DTX3L: variants seen among roughly 807,000 people sequenced by gnomAD.
The protein encoded by DTX3L is E3 ubiquitin-protein ligase DTX3L.
A neutral mutation model predicts 60.9 loss-of-function variants in DTX3L; 34 were observed. The observed-to-expected ratio is 0.56, with a 90% confidence interval of 0.42 to 0.74. The LOEUF (loss-of-function observed/expected upper bound fraction) is 0.74, where lower values mean the gene tolerates loss of function less well. DTX3L is among the 30% of genes least tolerant of loss of function. DTX3L has a pLI of 0.00. For synonymous variants in DTX3L, 290 were observed against 316.6 expected, an observed-to-expected ratio of 0.92 and a Z score of 0.89; for missense variants, 810 against 874.0, an observed-to-expected ratio of 0.93 and a Z score of 0.92.
rs779786439 is a variant in DTX3L at position 122,571,738 on chromosome 3, A to G, written c.2214A>G (p.Gly738=). 6.2e-7 allele frequency: 1 copy of G among 1,612,820 alleles called. No homozygotes were observed. Among genetic ancestry groups the G allele is most frequent in the Non-Finnish European group, 8.5e-7 (1 of 1,179,240 alleles). Reference sequence around the variant, plus strand: ...TCAAAGAGGAGCTGAAAGCCAAAGGAATTGAGTAAGACAACTGCTGGAAGA... The same window carrying G: ...TCAAAGAGGAGCTGAAAGCCAAAGGGATTGAGTAAGACAACTGCTGGAAGA... The part of the protein sequence containing the change: ...KRVKEELKAK[G]IE The change falls in exon 5 of 5, where the codon GGA becomes GGG. Residue 738 remains glycine, a synonymous_variant. Coordinates refer to ENST00000296161, the MANE Select transcript of DTX3L (RefSeq NM_138287.3).
At position 122,568,929 on chromosome 3, in the gene DTX3L, C is replaced by G. The variant is rs1307849493; in HGVS notation, c.840C>G (p.Thr280=). Residue 280 remains threonine (T), a synonymous_variant, in exon 3 of 5, where the codon ACC becomes ACG. Coordinates refer to ENST00000296161, the MANE Select transcript of DTX3L (RefSeq NM_138287.3). ...SSPNMVCLDF[T]SSRSGDLEAA... ...CAAATATGGTCTGTTTAGATTTCAC[C>G]TCAAGTCGATCAGGTGACCTGGAAG... is the stretch of plus-strand genomic sequence containing the variant. 1 of 1,614,072 alleles carries G rather than the reference C, an allele frequency of 6.2e-7. No homozygotes were observed. The highest frequency in any genetic ancestry group is 8.5e-7 in the Non-Finnish European group (1 of 1,180,026).
Position 122,569,356 on chromosome 3 carries a change from AAGGACAGGC to A in DTX3L, c.1271_1279del (p.Asp424_Gln426del), listed in dbSNP as rs2080627211. 1 of 1,614,090 alleles carries A rather than the reference AAGGACAGGC, an allele frequency of 6.2e-7. No individual in the cohort carries two copies. Among genetic ancestry groups the A allele is most frequent in the Non-Finnish European group, 8.5e-7 (1 of 1,180,038 alleles). On this transcript the variant is annotated inframe_deletion, in exon 3 of 5. Transcript: ENST00000296161. Reference sequence around the variant, plus strand: ...GAAAACCTGCATTCTGTTTGAATCCAAGGACAGGCAGGTAGATCTATCTGTGCATGCTTA... The same window carrying A: ...GAAAACCTGCATTCTGTTTGAATCCAAGGTAGATCTATCTGTGCATGCTTA...
chr3:122,570,722 T>C (rs1464383274), intron 4 of DTX3L, 50 bp downstream of exon 4: 5 of 1,587,444 alleles, frequency 3.1e-6, no homozygotes, highest in Admixed American at 3.4e-5. Flanking sequence ...ATAGGGATTA[T>C]GAAATACGGC....
chr3:122,566,608 C>T (rs936925859), intron 2 of DTX3L, among the ~76,000 whole-genome samples: 1 of 152,078 alleles, frequency 6.6e-6, no homozygotes, highest in African/African-American at 2.4e-5. Context: ...AGCGATCTGC[C>T]CGCCTTGGCC....
At position 122,568,470 on chromosome 3, in the gene DTX3L, G is replaced by T. The variant is rs778095303; in HGVS notation, c.400-19G>T. 197 of 1,573,960 alleles carry T rather than the reference G, an allele frequency of 1.3e-4. No individual in the cohort carries two copies. The highest frequency in any genetic ancestry group is 1.5e-4 in the Non-Finnish European group (179 of 1,162,002). On this transcript the variant is annotated intron_variant, in intron 2 of 4. Transcript: ENST00000296161. Reference sequence around the variant, plus strand: ...ATGCTGAGAGGTTTTATTTGTTCCTGTTCCTTTTAAAATTTCAGATCTTTC... The same window carrying T: ...ATGCTGAGAGGTTTTATTTGTTCCTTTTCCTTTTAAAATTTCAGATCTTTC...
chr3:122,564,742 G>A lies in DTX3L; in HGVS notation c.187+129G>A, dbSNP rs149351911. 53 of 1,192,104 alleles carry A rather than the reference G, an allele frequency of 4.4e-5. No homozygotes were observed. In the East Asian group the frequency reaches 1.3e-3, roughly 29 times the overall value. 73.8% of individuals were successfully genotyped at this position (1,192,104 alleles called of 1,614,324 possible). ...GTATGTCACTGTGCGGTGGCGGACA[G>A]GGACGGGGCCCTACTGCCAAGAGAC... On this transcript the variant is annotated intron_variant, in intron 1 of 4. Transcript: ENST00000296161.
chr3:122,565,558 A>AGG (rs1476968822), intron 1 of DTX3L, among the ~76,000 whole-genome samples: 1 of 128,170 alleles, frequency 7.8e-6, no homozygotes, highest in Non-Finnish European at 1.6e-5. Flanking sequence ...GGAGGGAGGG[A>AGG]GGGAAAGAAG....
At chr3:122,566,125 C>T (rs1249706863) in intron 2 of DTX3L, 55 bp downstream of exon 2, 4 of 1,500,194 alleles carry the variant, frequency 2.7e-6, no homozygotes, top group Non-Finnish European at 2.8e-6. Flanking sequence ...CAGTCACCAG[C>T]CTCATGTATT....
intron 1 of DTX3L, among the ~76,000 whole-genome samples, chr3:122,564,832 G>A (rs1387527238): frequency 6.6e-6 from 1 of 152,236 alleles, no homozygotes; most frequent in African/African-American, 2.4e-5. Flanking sequence ...GGGTCTGGCT[G>A]ACGGCGCCTT....
chr3:122,575,090 A>G lies in DTX3L; in HGVS notation c.*3343A>G, dbSNP rs1044271183. On this transcript the variant is annotated 3_prime_UTR_variant, in exon 5 of 5. Transcript: ENST00000296161. The stretch of plus-strand genomic sequence containing the variant: ...TGGATGGGAGATTGCACTGTGTGTG[A>G]CATGCAAGTTTCATGGTGTGGGAGA... 6.6e-6 allele frequency: 1 copy of G among 152,204 alleles called. No individual in the cohort carries two copies. The highest frequency in any genetic ancestry group is 6.5e-5 in the Admixed American group (1 of 15,274). 9.4% of individuals were successfully genotyped at this position (152,204 alleles called of 1,614,324 possible).
At position 122,569,132 on chromosome 3, in the gene DTX3L, A is replaced by G; in HGVS notation, c.1043A>G (p.Asp348Gly). The change falls in exon 3 of 5, where the codon GAT (aspartate) becomes GGT (glycine). Residue 348 changes from aspartate to glycine, a missense_variant. Asp to Gly is a moderately conservative substitution (Grantham distance 94, BLOSUM62 -1). Coordinates refer to ENST00000296161, the MANE Select transcript of DTX3L (RefSeq NM_138287.3). ...GGELTLLGTQ[D>G]DISAAKQKIS... ...GAATTAACTCTCCTTGGGACCCAAG[A>G]TGACATTTCAGCTGCCAAACAAAAA... 6.2e-7 allele frequency: 1 copy of G among 1,614,234 alleles called. No individual in the cohort carries two copies. The highest frequency in any genetic ancestry group is 8.5e-7 in the Non-Finnish European group (1 of 1,180,040).
In DTX3L at chr3:122,569,957, C is replaced by T; in HGVS notation, c.1868C>T (p.Ser623Leu). 6.2e-7 allele frequency: 1 copy of T among 1,614,092 alleles called. No homozygotes were observed. Among genetic ancestry groups the T allele is most frequent in the Non-Finnish European group, 8.5e-7 (1 of 1,179,994 alleles). Reference protein sequence around the residue: ...GSMVFTVSRDSLPGYESFGTI... With the variant: ...GSMVFTVSRDLLPGYESFGTI... ...ATGGTTTTCACTGTTTCAAGAGACT[C>T]ACTTCCAGGTTATGAGTCCTTTGGC... is the stretch of plus-strand genomic sequence containing the variant. The change falls in exon 3 of 5, where the codon TCA (serine) becomes TTA (leucine). Residue 623 changes from serine to leucine, a missense_variant. Ser to Leu is a moderately radical substitution (Grantham distance 145). Coordinates refer to ENST00000296161, the MANE Select transcript of DTX3L (RefSeq NM_138287.3).
chr3:122,571,519 C>T (rs1432893922), intron 4 of DTX3L, among the ~76,000 whole-genome samples, 159 bp from the exon 5 acceptor site: 5 of 152,242 alleles, frequency 3.3e-5, no homozygotes, highest in Admixed American at 1.3e-4. Flanking sequence ...CGAAATGACT[C>T]GCATCTGCGA....
Position 122,569,808 on chromosome 3 carries a change from G to A in DTX3L, c.1719G>A (p.Val573=). 3.1e-6 allele frequency: 5 copies of A among 1,614,142 alleles called. No homozygotes were observed. Among genetic ancestry groups the A allele is most frequent in the Non-Finnish European group, 3.4e-6 (4 of 1,180,034 alleles). ...ICMDTISNKK[V]LPKCKHEFCA... ...TGGACACCATTAGTAACAAAAAAGT[G>A]CTACCAAAGTGCAAGCATGAATTCT... The change falls in exon 3 of 5, where the codon GTG becomes GTA. Residue 573 remains valine, a synonymous_variant. Coordinates refer to ENST00000296161, the MANE Select transcript of DTX3L (RefSeq NM_138287.3).
rs367967191 is a variant in DTX3L at position 122,564,521 on chromosome 3, G to A, written c.95G>A (p.Ser32Asn). ...AGGAAGCTGGAGAGCTACTTCCAGA[G>A]CTCTAAGTCCTCGGGCGGCGGGGAG... ...VRRKLESYFQ[S>N]SKSSGGGECT... The change falls in exon 1 of 5, where the codon AGC (serine) becomes AAC (asparagine). Residue 32 changes from serine to asparagine, a missense_variant. Ser to Asn is a conservative substitution (Grantham distance 46, BLOSUM62 1). Transcript: ENST00000296161. 7.4e-6 allele frequency: 12 copies of A among 1,611,798 alleles called. No individual in the cohort carries two copies. The highest frequency in any genetic ancestry group is 2.7e-5 in the African/African-American group (2 of 74,758).
rs1408826769 is a variant in DTX3L at position 122,569,136 on chromosome 3, C to T, written c.1047C>T (p.Asp349=). The T allele has an allele frequency of 2.5e-6, 4 of 1,614,200 alleles. No homozygotes were observed. The highest frequency in any genetic ancestry group is 3.4e-6 in the Non-Finnish European group (4 of 1,180,048). The change falls in exon 3 of 5, where the codon GAC becomes GAT. Residue 349 remains aspartate, a synonymous_variant. Transcript: ENST00000296161. ...TAACTCTCCTTGGGACCCAAGATGA[C>T]ATTTCAGCTGCCAAACAAAAAATCT... is the stretch of plus-strand genomic sequence containing the variant. ...GELTLLGTQD[D]ISAAKQKISE...
chr3:122,566,817 C>T (rs990865899), intron 2 of DTX3L, among the ~76,000 whole-genome samples: 1 of 152,170 alleles, frequency 6.6e-6, no homozygotes, highest in African/African-American at 2.4e-5. Flanking sequence ...CAGCCAGGAA[C>T]ATGGCAGACT....
rs1218813977 is a variant in DTX3L, at chr3:122,569,987, T to C, written c.1898T>C (p.Ile633Thr). Residue 633 changes from isoleucine (I) to threonine (T), a missense_variant, in exon 3 of 5, where the codon ATT (isoleucine) becomes ACT (threonine). By Grantham distance (89) the Ile-to-Thr change is moderately conservative. Transcript: ENST00000296161. ...CCAGGTTATGAGTCCTTTGGCACCA[T>C]TGTGATTACTTATTCTATGAAAGCA... ...SLPGYESFGT[I>T]VITYSMKAGI... 6.2e-7 allele frequency: 1 copy of C among 1,614,082 alleles called. No homozygotes were observed.
chr3:122,564,622 C>A lies in DTX3L; in HGVS notation c.187+9C>A. On this transcript the variant is annotated intron_variant, in intron 1 of 4. Transcript: ENST00000296161. ...GTTCAGTGAAAGGGCAGGTGAGCTT[C>A]GGGCGGCCAGGCTGCGAAAGCCCTC... 1 of 1,577,896 alleles carries A rather than the reference C, an allele frequency of 6.3e-7. No individual in the cohort carries two copies.
Sources: gnomAD v4.1 joint callset for allele counts (sites outside exome capture counted in the v4.1 genomes callset) on GRCh38, gnomAD v4.1.1 for gene constraint, MANE v1.5 for transcripts, NCBI Gene and HGNC (gene_info 2026-07-23, HGNC 2026-07-21) for gene names.